The following NPAS3 variants were observed in gnomAD, a reference collection of about 807,000 sequenced individuals.
NPAS3 encodes neuronal PAS domain-containing protein 3.
Under a neutral mutation model 73.1 loss-of-function variants are expected in NPAS3, and 14 were observed. The ratio of observed to expected loss-of-function variants is 0.19; its 90% confidence interval spans 0.13 to 0.30. NPAS3 has a LOEUF of 0.30. Among genes scored for constraint, NPAS3 ranks in the 10% least tolerant of loss-of-function variants. NPAS3 has a pLI of 1.00. For missense variants in NPAS3, 1,096 were observed against 1,250.0 expected, an observed-to-expected ratio of 0.88 and a Z score of 1.86; for synonymous variants, 620 against 541.5, an observed-to-expected ratio of 1.14 and a Z score of -2.01.
At chr14:33,302,483 C>T (rs1240299841) in intron 3 of NPAS3, among the ~76,000 whole-genome samples, 1 of 152,118 alleles carries the variant, frequency 6.6e-6, no homozygotes, top group Non-Finnish European at 1.5e-5. Context: ...GAGATCCAGC[C>T]ATCATTATTA....
chr14:33,529,119 T>A (rs2053929936), intron 4 of NPAS3, among the ~76,000 whole-genome samples: 1 of 152,088 alleles, frequency 6.6e-6, no homozygotes, highest in Non-Finnish European at 1.5e-5. Context: ...GATGGAGGAC[T>A]TAGGAGGTCT....
chr14:33,122,973 AT>A (rs1316331847), intron 2 of NPAS3, among the ~76,000 whole-genome samples: 1 of 152,160 alleles, frequency 6.6e-6, no homozygotes, highest in East Asian at 1.9e-4. Flanking sequence ...ACTTTTAGTC[AT>A]GAGTGCTTTA....
intron 4 of NPAS3, among the ~76,000 whole-genome samples, chr14:33,398,715 A>G (rs2047326797): frequency 6.6e-6 from 1 of 152,114 alleles, no homozygotes; most frequent in Non-Finnish European, 1.5e-5. Flanking sequence ...TTTCCATGAA[A>G]AGTGCTCATC....
At chr14:33,009,126 T>G (rs1160807101) in intron 1 of NPAS3, among the ~76,000 whole-genome samples, 1 of 152,210 alleles carries the variant, frequency 6.6e-6, no homozygotes. Context: ...ATCTAGCAAG[T>G]ATTTCTTGAG....
intron 1 of NPAS3, among the ~76,000 whole-genome samples, chr14:33,007,627 C>A (rs1455451684): frequency 2.6e-5 from 4 of 152,166 alleles, no homozygotes; most frequent in Admixed American, 6.5e-5. Context: ...CTACTACATG[C>A]TTTACACTTA....
chr14:33,657,103 C>T (rs1369360071), intron 5 of NPAS3, among the ~76,000 whole-genome samples: 1 of 152,136 alleles, frequency 6.6e-6, no homozygotes, highest in Non-Finnish European at 1.5e-5. Context: ...AGTGAAATAA[C>T]AGCAGACACA....
intron 7 of NPAS3, among the ~76,000 whole-genome samples, chr14:33,747,439 A>G (rs893399211): frequency 6.6e-6 from 1 of 152,216 alleles, no homozygotes; most frequent in Non-Finnish European, 1.5e-5. Context: ...TTTCCAGGGC[A>G]CAAGGGACCA....
intron 3 of NPAS3, among the ~76,000 whole-genome samples, chr14:33,363,685 T>G (rs1481123054): frequency 1.3e-5 from 2 of 152,206 alleles, no homozygotes; most frequent in East Asian, 1.9e-4. Flanking sequence ...TTGGACTATT[T>G]ATTAAGTTTT....
chr14:33,674,638 A>C (rs1187045489), intron 5 of NPAS3, among the ~76,000 whole-genome samples: 1 of 152,224 alleles, frequency 6.6e-6, no homozygotes, highest in Non-Finnish European at 1.5e-5. Context: ...AATGGAGGAA[A>C]TGGGGATTGT....
intron 2 of NPAS3, among the ~76,000 whole-genome samples, chr14:33,183,629 G>T (rs1453947317): frequency 6.6e-6 from 1 of 151,698 alleles, no homozygotes; most frequent in Admixed American, 6.6e-5. Context: ...TAGTGTCCTG[G>T]TCATTCCCTC....
At chr14:33,754,522 T>C (rs1178772206) in intron 7 of NPAS3, among the ~76,000 whole-genome samples, 1 of 152,124 alleles carries the variant, frequency 6.6e-6, no homozygotes, top group Non-Finnish European at 1.5e-5. Flanking sequence ...GCTGGCTCTA[T>C]GGCGGTAGCA....
intron 3 of NPAS3, among the ~76,000 whole-genome samples, chr14:33,275,441 T>C (rs2041285426): frequency 6.6e-6 from 1 of 152,208 alleles, no homozygotes; most frequent in Non-Finnish European, 1.5e-5. Flanking sequence ...TATTATAAAA[T>C]GTAGCCCACC....
intron 11 of NPAS3, among the ~76,000 whole-genome samples, chr14:33,798,316 C>G (rs547345702): frequency 6.6e-6 from 1 of 152,262 alleles, no homozygotes; most frequent in South Asian, 2.1e-4. Context: ...CTTTTCATCC[C>G]ATCCCCAGCC....
At chr14:33,462,318 GC>G (rs1473248813) in intron 4 of NPAS3, among the ~76,000 whole-genome samples, 3 of 152,112 alleles carry the variant, frequency 2.0e-5, no homozygotes, top group Non-Finnish European at 2.9e-5. Flanking sequence ...ATTGCTGCTG[GC>G]AAACCTCTGG....
intron 3 of NPAS3, among the ~76,000 whole-genome samples, chr14:33,248,363 A>G (rs375405727): frequency 6.6e-6 from 1 of 152,206 alleles, no homozygotes; most frequent in East Asian, 1.9e-4. Context: ...ATAATTTTGG[A>G]TGTTCTAATC....
chr14:33,746,171 T>TTTTATTTATTTATTTATTTATTTA (rs528860081), intron 7 of NPAS3, among the ~76,000 whole-genome samples: 20 of 144,458 alleles, frequency 1.4e-4, no homozygotes, highest in African/African-American at 3.6e-4. Flanking sequence ...TTTTATTTTA[T>TTTTATTTATTTATTTATTTATTTA]TTTATTTATT....
intron 3 of NPAS3, among the ~76,000 whole-genome samples, chr14:33,277,767 G>A (rs1388125609): frequency 1.3e-5 from 2 of 152,114 alleles, no homozygotes; most frequent in African/African-American, 2.4e-5. Flanking sequence ...ATGAGAAAGG[G>A]GTGAGTTTGG....
chr14:33,654,316 T>G (rs1349999240), intron 5 of NPAS3, among the ~76,000 whole-genome samples: 2 of 152,196 alleles, frequency 1.3e-5, no homozygotes, highest in Non-Finnish European at 2.9e-5. Flanking sequence ...GGCTGCCCAC[T>G]TATCAGGATA....
chr14:33,502,219 CTT>C (rs1011132237), intron 4 of NPAS3, among the ~76,000 whole-genome samples: 10 of 151,780 alleles, frequency 6.6e-5, no homozygotes, highest in African/African-American at 2.4e-4. Flanking sequence ...AAAAGCACCT[CTT>C]TTTTTCTGTT....
Sources: allele counts gnomAD v4.1 joint callset (sites outside exome capture counted in the v4.1 genomes callset), GRCh38; gene constraint gnomAD v4.1.1; transcripts MANE v1.5; gene names NCBI Gene and HGNC (gene_info 2026-07-23, HGNC 2026-07-21).